Variants in ATOSA observed in about 807,000 individuals in gnomAD.
ATOSA encodes atos homolog protein A.
the ATOSA span, among the ~76,000 whole-genome samples, chr15:52,707,075 C>T: frequency 2.0e-5 from 3 of 152,034 alleles, no homozygotes; most frequent in East Asian, 3.8e-4. Context: ...AAACAAATGG[C>T]GGTAAAGACT....
the ATOSA span, chr15:52,586,444 G>A: frequency 1.3e-5 from 2 of 152,134 alleles, no homozygotes; most frequent in South Asian, 4.1e-4. Context: ...TCAAATCCTG[G>A]GTATGAGGAG....
At chr15:52,605,013 T>C in the ATOSA span, 22 of 681,814 alleles carry the variant, frequency 3.2e-5, no homozygotes, top group African/African-American at 4.2e-4. Flanking sequence ...AATAAAATGT[T>C]TCCTTACTGG....
chr15:52,613,900 C>G, the ATOSA span: 2 of 1,537,808 alleles, frequency 1.3e-6, no homozygotes, highest in Non-Finnish European at 1.8e-6. Flanking sequence ...TTAATGTACT[C>G]TTAGTAAGAA....
chr15:52,615,724 T>C, the ATOSA span, among the ~76,000 whole-genome samples: 4 of 152,200 alleles, frequency 2.6e-5, no homozygotes, highest in Admixed American at 1.3e-4. Flanking sequence ...TTTATTAAAC[T>C]GGTATTTTAA....
chr15:52,601,300 A>G, the ATOSA span: 4 of 588,578 alleles, frequency 6.8e-6, no homozygotes, highest in African/African-American at 7.6e-5. Flanking sequence ...AGCTTATTTA[A>G]AATCATGCTG....
chr15:52,603,899 A>G, the ATOSA span, among the ~76,000 whole-genome samples: 1 of 152,222 alleles, frequency 6.6e-6, no homozygotes, highest in Non-Finnish European at 1.5e-5. Flanking sequence ...GACACAATGA[A>G]TAAGATCTAG....
At chr15:52,691,949 A>G in the ATOSA span, among the ~76,000 whole-genome samples, 2 of 152,210 alleles carry the variant, frequency 1.3e-5, no homozygotes, top group Non-Finnish European at 2.9e-5. Flanking sequence ...CTACTAAACC[A>G]TCAAAGAACA....
chr15:52,623,215 T>C, the ATOSA span, among the ~76,000 whole-genome samples: 4 of 151,034 alleles, frequency 2.6e-5, no homozygotes, highest in African/African-American at 4.9e-5. Flanking sequence ...ATTTCGAAAA[T>C]AGGACAGAAA....
chr15:52,688,761 A>G, the ATOSA span, among the ~76,000 whole-genome samples: 2 of 152,162 alleles, frequency 1.3e-5, no homozygotes. Flanking sequence ...AGATGAAGAT[A>G]TTGGTGTCAT....
the ATOSA span, among the ~76,000 whole-genome samples, chr15:52,633,771 C>T: frequency 2.0e-5 from 3 of 152,112 alleles, no homozygotes; most frequent in Admixed American, 1.3e-4. Flanking sequence ...ATCTGAGAAT[C>T]TATATCTATA....
chr15:52,679,922 C>G, the ATOSA span, among the ~76,000 whole-genome samples: 2 of 150,850 alleles, frequency 1.3e-5, no homozygotes, highest in African/African-American at 4.9e-5. Context: ...GTGACCGGGA[C>G]GGGGGGTGGG....
chr15:52,636,073 TATTAA>T, the ATOSA span, among the ~76,000 whole-genome samples: 2 of 146,466 alleles, frequency 1.4e-5, no homozygotes, highest in South Asian at 4.2e-4. Context: ...TAAATTAAAA[TATTAA>T]ATTAAAATAA....
the ATOSA span, among the ~76,000 whole-genome samples, chr15:52,636,060 A>AATTAAATTAAAAT: frequency 6.8e-6 from 1 of 147,374 alleles, no homozygotes; most frequent in Admixed American, 6.8e-5. Context: ...AAATTTATTA[A>AATTAAATTAAAAT]ATTAAATTAA....
chr15:52,628,932 T>G, the ATOSA span, among the ~76,000 whole-genome samples: 4 of 152,342 alleles, frequency 2.6e-5, no homozygotes, highest in African/African-American at 7.2e-5. Context: ...AATCTGAAGC[T>G]AAGGAAGGTA....
the ATOSA span, among the ~76,000 whole-genome samples, chr15:52,668,603 T>C: frequency 1.3e-4 from 20 of 152,286 alleles, no homozygotes; most frequent in East Asian, 2.1e-3. Context: ...GTGAAAGATA[T>C]GCTAAATACC....
At chr15:52,592,679 C>A in the ATOSA span, among the ~76,000 whole-genome samples, 1 of 152,062 alleles carries the variant, frequency 6.6e-6, no homozygotes, top group East Asian at 1.9e-4. Context: ...AAAAATCACA[C>A]AAAAAAATCT....
chr15:52,631,570 G>A, the ATOSA span, among the ~76,000 whole-genome samples: 3 of 152,142 alleles, frequency 2.0e-5, no homozygotes, highest in Non-Finnish European at 2.9e-5. Flanking sequence ...ACGCCTATGT[G>A]TTATGGCAAA....
At chr15:52,593,431 G>A in the ATOSA span, 1 of 687,404 alleles carries the variant, frequency 1.5e-6, no homozygotes, top group Non-Finnish European at 2.3e-6. Context: ...AGCTTAGAAA[G>A]AAGTTGTGAG....
chr15:52,593,791 T>A, the ATOSA span: 1 of 1,478,798 alleles, frequency 6.8e-7, no homozygotes, highest in Non-Finnish European at 9.1e-7. Flanking sequence ...ACATTCATTT[T>A]TTTTCTATTT....
Sources: allele counts gnomAD v4.1 joint callset (sites outside exome capture counted in the v4.1 genomes callset), GRCh38; gene constraint gnomAD v4.1.1; transcripts MANE v1.5; gene names NCBI Gene and HGNC (gene_info 2026-07-23, HGNC 2026-07-21).